PPP2CB: variants seen among roughly 807,000 people sequenced by gnomAD.
PPP2CB encodes serine/threonine-protein phosphatase 2A catalytic subunit beta isoform.
A neutral mutation model predicts 39.1 loss-of-function variants in PPP2CB; 18 were observed. The observed-to-expected ratio is 0.46, with a 90% CI of 0.32 to 0.68. The LOEUF (loss-of-function observed/expected upper bound fraction) is 0.68. Among genes scored for constraint, PPP2CB ranks in the 30% least tolerant of loss-of-function variants. The pLI is 0.04. For missense variants in PPP2CB, 226 were observed against 396.9 expected (o/e 0.57, Z 3.66); for synonymous variants, 129 against 133.8 (o/e 0.96, Z 0.25).
Position 30,785,940 on chromosome 8 carries a change from G to A in PPP2CB, c.*295C>T, listed in dbSNP as rs1322141801. On this transcript the variant is annotated 3_prime_UTR_variant, in exon 7 of 7. Coordinates refer to ENST00000221138, the MANE Select transcript of PPP2CB (RefSeq NM_001009552.2). Reference sequence around the variant, plus strand: ...TTTCCAAATAAGCGCAAAAGGAGATGAAGCAGTTAGTTACCTTTTTTGCTT... The same window carrying A: ...TTTCCAAATAAGCGCAAAAGGAGATAAAGCAGTTAGTTACCTTTTTTGCTT... 5.6e-6 allele frequency: 3 copies of A among 538,046 alleles called. No individual in the cohort carries two copies. 33.3% of individuals were successfully genotyped at this position (538,046 alleles called of 1,614,324 possible). A position where few individuals can be genotyped will look rare whatever the true frequency, so the allele number is the denominator to read the frequency against.
intron 3 of PPP2CB, among the ~76,000 whole-genome samples, chr8:30,797,186 C>A (rs1318375146): frequency 6.6e-6 from 1 of 152,068 alleles, no homozygotes; most frequent in Non-Finnish European, 1.5e-5. Flanking sequence ...TTTGCAGTTA[C>A]CATGAAAATA....
chr8:30,786,662 CT>C (rs35450368), intron 6 of PPP2CB, among the ~76,000 whole-genome samples: 4,080 of 127,698 alleles, frequency 0.032, 66 homozygotes, highest in African/African-American at 0.09. Flanking sequence ...AATAATATCA[CT>C]TTTTTTTTTT....
chr8:30,805,282 G>A (rs1317475607), intron 1 of PPP2CB, among the ~76,000 whole-genome samples: 1 of 152,224 alleles, frequency 6.6e-6, no homozygotes, highest in Non-Finnish European at 1.5e-5. Context: ...ATTTTGAGCT[G>A]GGCGCAGTGG....
intron 1 of PPP2CB, among the ~76,000 whole-genome samples, chr8:30,807,785 G>A (rs1448186881): frequency 2.0e-5 from 3 of 152,188 alleles, no homozygotes; most frequent in Non-Finnish European, 4.4e-5. Flanking sequence ...GCATACTGCT[G>A]ATGCAGGAAT....
At chr8:30,812,096 C>T (rs1399157015) in intron 1 of PPP2CB, among the ~76,000 whole-genome samples, 1 of 152,018 alleles carries the variant, frequency 6.6e-6, no homozygotes, top group African/African-American at 2.4e-5. Context: ...GGCAGCCGGC[C>T]GGGGGCGTGA....
In PPP2CB at chr8:30,812,479, C is replaced by T. The variant is rs1806856969; in HGVS notation, c.-58G>A. ...CAGCCCGGCCGCCGCCCTCCCCCCT[C>T]CCCACCCGCCCCCGGCCCCGGCCCG... On this transcript the variant is annotated 5_prime_UTR_variant, in exon 1 of 7. Coordinates refer to ENST00000221138, the MANE Select transcript of PPP2CB (RefSeq NM_001009552.2). 4 of 1,278,782 alleles carry T rather than the reference C, an allele frequency of 3.1e-6. No homozygotes were observed. Among genetic ancestry groups the T allele is most frequent in the Middle Eastern group, 2.8e-4 (1 of 3,556 alleles). The allele number at this position is 1,278,782 out of a possible 1,614,324, so 79.2% of individuals were successfully genotyped here. A position where few individuals can be genotyped will look rare whatever the true frequency, so the allele number is the denominator to read the frequency against.
At chr8:30,788,755 C>T (rs973693180) in intron 6 of PPP2CB, among the ~76,000 whole-genome samples, 19 of 152,222 alleles carry the variant, frequency 1.2e-4, no homozygotes, top group Non-Finnish European at 2.2e-4. Context: ...CTCAAGTCTT[C>T]TCCTGCCTTC....
intron 5 of PPP2CB, among the ~76,000 whole-genome samples, chr8:30,791,854 GTGTATATA>G (rs917849263): frequency 4.0e-4 from 60 of 149,546 alleles, no homozygotes; most frequent in African/African-American, 1.4e-3. Flanking sequence ...GTATATATAC[GTGTATATA>G]TGTATATATG....
intron 1 of PPP2CB, among the ~76,000 whole-genome samples, chr8:30,802,924 C>G (rs976457645): frequency 2.0e-4 from 31 of 152,176 alleles, no homozygotes; most frequent in African/African-American, 7.5e-4. Context: ...TGTGGGAATG[C>G]TGACAATGCT....
intron 1 of PPP2CB, among the ~76,000 whole-genome samples, chr8:30,811,672 A>T (rs575513390): frequency 2.8e-4 from 43 of 150,976 alleles, no homozygotes; most frequent in African/African-American, 5.1e-4. Context: ...ATTAAAAAAA[A>T]TTTTTTGTGT....
intron 1 of PPP2CB, chr8:30,810,392 A>C (rs1414291322): frequency 6.6e-6 from 1 of 152,300 alleles, no homozygotes; most frequent in Admixed American, 6.5e-5. Context: ...TGGAGGTTGC[A>C]GTGAACAGAG....
chr8:30,800,862 A>G (rs1806609153), intron 1 of PPP2CB, among the ~76,000 whole-genome samples: 1 of 152,232 alleles, frequency 6.6e-6, no homozygotes, highest in Non-Finnish European at 1.5e-5. Flanking sequence ...AACTGGGACT[A>G]ATACAGAATG....
intron 6 of PPP2CB, among the ~76,000 whole-genome samples, chr8:30,788,760 G>A (rs1229647844): frequency 6.6e-6 from 1 of 152,178 alleles, no homozygotes; most frequent in African/African-American, 2.4e-5. Flanking sequence ...GTCTTCTCCT[G>A]CCTTCATCTC....
intron 2 of PPP2CB, among the ~76,000 whole-genome samples, chr8:30,799,319 T>C (rs1340790084): frequency 1.3e-5 from 2 of 152,188 alleles, no homozygotes; most frequent in African/African-American, 4.8e-5. Flanking sequence ...TAAAGTCAAA[T>C]ATGATTCCAA....
At chr8:30,802,691 G>A (rs546604975) in intron 1 of PPP2CB, among the ~76,000 whole-genome samples, 21 of 151,992 alleles carry the variant, frequency 1.4e-4, no homozygotes, top group Non-Finnish European at 2.6e-4. Context: ...TTTTTCAAAC[G>A]GAAAAAACCT....
chr8:30,804,058 T>C (rs1806676924), intron 1 of PPP2CB, among the ~76,000 whole-genome samples: 1 of 152,174 alleles, frequency 6.6e-6, no homozygotes, highest in African/African-American at 2.4e-5. Flanking sequence ...CCTGACCTCG[T>C]GATCCGCCCG....
At position 30,797,565 on chromosome 8, in the gene PPP2CB, G is replaced by A. The variant is rs761073904; in HGVS notation, c.486+16C>T. 10 of 1,583,746 alleles carry A rather than the reference G, an allele frequency of 6.3e-6. 1 individual carries two copies. The Admixed American group carries it at 1.8e-4, about 28-fold the overall frequency. On this transcript the variant is annotated intron_variant, in intron 3 of 6. Coordinates refer to ENST00000221138, the MANE Select transcript of PPP2CB (RefSeq NM_001009552.2). The stretch of plus-strand genomic sequence containing the variant: ...CCATTTACCTCCTCCCAAGATGTAA[G>A]CACACATATACATACCTGTCCATCT...
chr8:30,811,811 G>A (rs1362429883), intron 1 of PPP2CB, among the ~76,000 whole-genome samples: 1 of 152,054 alleles, frequency 6.6e-6, no homozygotes, highest in East Asian at 1.9e-4. Context: ...TTGAGTTAGT[G>A]ATTTCTGAGG....
intron 1 of PPP2CB, among the ~76,000 whole-genome samples, chr8:30,804,767 G>A (rs758474207): frequency 2.6e-5 from 4 of 152,056 alleles, no homozygotes; most frequent in African/African-American, 9.7e-5. Flanking sequence ...CTAAACTTTT[G>A]AAGATGGTGT....
Sources: allele counts gnomAD v4.1 joint callset (sites outside exome capture counted in the v4.1 genomes callset), GRCh38; gene constraint gnomAD v4.1.1; transcripts MANE v1.5; gene names NCBI Gene and HGNC (gene_info 2026-07-23, HGNC 2026-07-21).